Variants in LRRC40 observed in about 807,000 individuals in gnomAD.
LRRC40 encodes the protein leucine rich repeat containing 40.
In LRRC40, 76 loss-of-function variants were observed where a neutral mutation model predicts 72.8. That is an observed-to-expected ratio of 1.04 (90% CI 0.87 to 1.26). The LOEUF (loss-of-function observed/expected upper bound fraction) is 1.26. Among genes scored for constraint, LRRC40 ranks in the 50% most tolerant of loss-of-function variants. The pLI is 0.00. For missense variants in LRRC40, 684 were observed against 698.9 expected (o/e 0.98, Z 0.24); for synonymous variants, 243 against 254.2 (o/e 0.96, Z 0.42).
intron 1 of LRRC40, among the ~76,000 whole-genome samples, chr1:70,196,380 T>A (rs1449356072): frequency 6.6e-6 from 1 of 151,922 alleles, no homozygotes; most frequent in African/African-American, 2.4e-5. Context: ...CAAGACTTCG[T>A]CTCTATTAAA....
At chr1:70,155,059 A>G (rs980007474) in intron 11 of LRRC40, among the ~76,000 whole-genome samples, 1 of 152,298 alleles carries the variant, frequency 6.6e-6, no homozygotes. Flanking sequence ...GTTTACTGCT[A>G]GATAACAAAT....
chr1:70,186,840 T>G (rs556218910), intron 3 of LRRC40, among the ~76,000 whole-genome samples: 1 of 152,288 alleles, frequency 6.6e-6, no homozygotes, highest in East Asian at 1.9e-4. Context: ...TGGAGAAGTT[T>G]AAAAACGACT....
intron 14 of LRRC40, 89 bp from the exon 15 acceptor site, chr1:70,145,994 T>G: frequency 1.6e-6 from 1 of 633,158 alleles, no homozygotes; most frequent in Admixed American, 3.2e-5. Context: ...TAAATAAAAT[T>G]TCTGTATTTT....
rs776557711 is a variant in LRRC40 at position 70,151,194 on chromosome 1, A to T, written c.1451T>A (p.Leu484Ter). 4 of 1,569,662 alleles carry T rather than the reference A, an allele frequency of 2.5e-6. No homozygotes were observed. Among genetic ancestry groups the T allele is most frequent in the South Asian group, 2.2e-5 (2 of 89,110 alleles). The change falls in exon 13 of 15, where the codon TTA becomes TAA. Residue 484 changes from leucine (L) to a stop codon, truncating the protein, a stop_gained. Transcript: ENST00000370952. LOFTEE classifies it high-confidence loss of function. ...TTCCATTTCTTCTGGCAAAGAATTT[A>T]AAAAATTGTTCCTAAATTGGAAATC... ...LTFLDLRNNF[L>*]NSLPEEMESL...
rs1013127257 is a variant in LRRC40 at position 70,145,451 on chromosome 1, C to G, written c.*349G>C. On this transcript the variant is annotated 3_prime_UTR_variant, in exon 15 of 15. Transcript: ENST00000370952. Reference sequence around the variant, plus strand: ...AATGCTTTGTTATTATAATACTGAACCACATTAAATAAAAATTCATTTTTG... The same window carrying G: ...AATGCTTTGTTATTATAATACTGAAGCACATTAAATAAAAATTCATTTTTG... 1 of 157,088 alleles carries G rather than the reference C, an allele frequency of 6.4e-6. No homozygotes were observed. Among genetic ancestry groups the G allele is most frequent in the African/African-American group, 2.4e-5 (1 of 41,598 alleles). The allele number at this position is 157,088 out of a possible 1,614,324, so 9.7% of individuals were successfully genotyped here.
rs1383051069 is a variant in LRRC40 at position 70,151,313 on chromosome 1, CA to C, written c.1440-109del. 3 of 642,290 alleles carry C rather than the reference CA, an allele frequency of 4.7e-6. No individual in the cohort carries two copies. In the African/African-American group the frequency reaches 5.5e-5, roughly 12 times the overall value. 39.8% of individuals were successfully genotyped at this position (642,290 alleles called of 1,614,324 possible). On this transcript the variant is annotated intron_variant, in intron 12 of 14. Coordinates refer to ENST00000370952, the MANE Select transcript of LRRC40 (RefSeq NM_017768.5). ...AAAAAAAATATGTAGATCAGTTTGTCAATCCTTGATCTGACTTTATAAAGGC... is the reference window on the plus strand; with the variant it reads ...AAAAAAAATATGTAGATCAGTTTGTCATCCTTGATCTGACTTTATAAAGGC...
chr1:70,188,158 A>G (rs1047713816), intron 2 of LRRC40, among the ~76,000 whole-genome samples: 3 of 152,160 alleles, frequency 2.0e-5, no homozygotes, highest in Admixed American at 2.0e-4. Flanking sequence ...AAGAAAATAA[A>G]AAGTTCCCTA....
At chr1:70,148,291 T>A (rs1667366515) in intron 14 of LRRC40, among the ~76,000 whole-genome samples, 196 bp downstream of exon 14, 1 of 152,088 alleles carries the variant, frequency 6.6e-6, no homozygotes, top group Non-Finnish European at 1.5e-5. Flanking sequence ...ATATACCATA[T>A]AAGCAAAACT....
chr1:70,198,968 T>C (rs529470457), intron 1 of LRRC40, among the ~76,000 whole-genome samples: 3 of 152,026 alleles, frequency 2.0e-5, no homozygotes, highest in Admixed American at 6.6e-5. Flanking sequence ...CTGGGTAACA[T>C]AGCAAGACCT....
At chr1:70,180,229 T>C (rs74954327) in intron 5 of LRRC40, 7,211 of 152,324 alleles carry the variant, frequency 0.047, 238 homozygotes, top group Non-Finnish European at 0.072. Context: ...ATGGGAGTTT[T>C]GACCTGCTCT....
At chr1:70,156,246 T>C (rs1481353570) in intron 10 of LRRC40, among the ~76,000 whole-genome samples, 1 of 152,118 alleles carries the variant, frequency 6.6e-6, no homozygotes, top group Non-Finnish European at 1.5e-5. Flanking sequence ...TTTTAAAAAG[T>C]TCAACATTAT....
chr1:70,149,924 TTTTA>T (rs1371399143), intron 13 of LRRC40, among the ~76,000 whole-genome samples: 10 of 152,094 alleles, frequency 6.6e-5, no homozygotes, highest in Non-Finnish European at 1.3e-4. Context: ...ATTTTTTAAA[TTTTA>T]TTTATTTTTT....
chr1:70,159,970 AT>A (rs1411541883), intron 9 of LRRC40, among the ~76,000 whole-genome samples: 1 of 152,114 alleles, frequency 6.6e-6, no homozygotes, highest in Non-Finnish European at 1.5e-5. Flanking sequence ...GCAAGACTTT[AT>A]TTTTTATAGA....
intron 1 of LRRC40, among the ~76,000 whole-genome samples, chr1:70,203,382 G>T (rs1250582755): frequency 6.6e-6 from 1 of 152,164 alleles, no homozygotes; most frequent in African/African-American, 2.4e-5. Flanking sequence ...CTAGGATTTA[G>T]AGTGTGAGGG....
intron 10 of LRRC40, among the ~76,000 whole-genome samples, chr1:70,158,257 A>G (rs990672191): frequency 1.3e-5 from 2 of 152,104 alleles, no homozygotes; most frequent in African/African-American, 2.4e-5. Flanking sequence ...GGTGAGAACA[A>G]TATGAATGAA....
intron 9 of LRRC40, among the ~76,000 whole-genome samples, chr1:70,163,763 T>A (rs1667816431): frequency 6.6e-6 from 1 of 152,148 alleles, no homozygotes. Flanking sequence ...GAGCAAGAAA[T>A]TAAACTCAGA....
chr1:70,161,868 G>A (rs1223500673), intron 9 of LRRC40, among the ~76,000 whole-genome samples: 4 of 152,120 alleles, frequency 2.6e-5, no homozygotes, highest in Admixed American at 2.0e-4. Flanking sequence ...AGTAAGAGAC[G>A]AAGACAGAAG....
At chr1:70,201,487 T>C (rs948191395) in intron 1 of LRRC40, among the ~76,000 whole-genome samples, 6 of 152,066 alleles carry the variant, frequency 3.9e-5, no homozygotes, top group Admixed American at 3.3e-4. Context: ...CATTGAACAA[T>C]CAGTTGCTGA....
In LRRC40 at chr1:70,187,326, G is replaced by T. The variant is rs1419225809; in HGVS notation, c.346C>A (p.Gln116Lys). Residue 116 changes from glutamine (Q) to lysine (K), a missense_variant, in exon 3 of 15, where the codon CAG becomes AAG. Coordinates refer to ENST00000370952, the MANE Select transcript of LRRC40 (RefSeq NM_017768.5). Reference protein sequence around the residue: ...ALTVLDIHDNQLTSLPSAIRE... With the variant: ...ALTVLDIHDNKLTSLPSAIRE... ...ATAGCAGAAGGAAGGGATGTCAACT[G>T]ATTATCATGTATCTAAAAGTTTTTA... is the stretch of plus-strand genomic sequence containing the variant. 3.8e-6 allele frequency: 6 copies of T among 1,560,578 alleles called. No homozygotes were observed. Among genetic ancestry groups the T allele is most frequent in the Non-Finnish European group, 5.3e-6 (6 of 1,137,100 alleles).
Sources: gnomAD v4.1 joint callset for allele counts (sites outside exome capture counted in the v4.1 genomes callset) on GRCh38, gnomAD v4.1.1 for gene constraint, MANE v1.5 for transcripts, NCBI Gene and HGNC (gene_info 2026-07-23, HGNC 2026-07-21) for gene names.